Variants in SP1 observed in about 807,000 individuals in gnomAD.
SP1 encodes the protein Sp1 transcription factor.
SP1 carries 6 observed loss-of-function variants against 66.3 expected under a neutral mutation model. That is an observed-to-expected ratio of 0.09 (90% CI 0.05 to 0.18). The LOEUF (loss-of-function observed/expected upper bound fraction) is 0.18, where lower values mean the gene tolerates loss of function less well. Ranked by LOEUF, SP1 falls within the 10% of genes least tolerant of loss-of-function variation. The pLI is 1.00. For missense variants in SP1, 848 were observed against 964.5 expected (o/e 0.88, Z 1.60); for synonymous variants, 417 against 360.8 (o/e 1.16, Z -1.77).
chr12:53,401,917 G>T (rs1938618004), intron 3 of SP1, among the ~76,000 whole-genome samples: 1 of 152,148 alleles, frequency 6.6e-6, no homozygotes, highest in Non-Finnish European at 1.5e-5. Context: ...GATCTGTCCA[G>T]CTCGGCCTTG....
chr12:53,381,903 G>A, intron 2 of SP1, 90 bp downstream of exon 2: 1 of 1,456,584 alleles, frequency 6.9e-7, no homozygotes, highest in Non-Finnish European at 9.3e-7. Flanking sequence ...GCGTTTTAGG[G>A]AGAGACTAAA....
chr12:53,387,715 G>A (rs1409262634), intron 3 of SP1, among the ~76,000 whole-genome samples: 4 of 152,154 alleles, frequency 2.6e-5, no homozygotes, highest in African/African-American at 9.7e-5. Flanking sequence ...AGCCAGCCTG[G>A]TGGCTCACGC....
In SP1 at chr12:53,411,342, T is replaced by C; in HGVS notation, c.*102T>C. 1 of 917,022 alleles carries C rather than the reference T, an allele frequency of 1.1e-6. No individual in the cohort carries two copies. Among genetic ancestry groups the C allele is most frequent in the Middle Eastern group, 3.5e-4 (1 of 2,878 alleles). The allele number at this position is 917,022 out of a possible 1,614,324, so 56.8% of individuals were successfully genotyped here. On this transcript the variant is annotated 3_prime_UTR_variant, in exon 6 of 6. Coordinates refer to ENST00000327443, the MANE Select transcript of SP1 (RefSeq NM_138473.3). ...ACATGGAAGAGAGAGCCATGAAGCA[T>C]TAAAATGCATGGTGTTGAGAAGAAT...
Position 53,380,183 on chromosome 12 carries a change from C to A in SP1, c.-109C>A, listed in dbSNP as rs919324670. The A allele has an allele frequency of 1.7e-5, 13 of 760,576 alleles. No homozygotes were observed. Among genetic ancestry groups the A allele is most frequent in the Non-Finnish European group, 2.3e-5 (10 of 427,424 alleles). 47.1% of individuals were successfully genotyped at this position (760,576 alleles called of 1,614,324 possible). On this transcript the variant is annotated 5_prime_UTR_variant, in exon 1 of 6. Coordinates refer to ENST00000327443, the MANE Select transcript of SP1 (RefSeq NM_138473.3). ...CGCTGCTCCCTCCTCCTTACCCCCC[C>A]CTCCCTGTCCGGTCCGGGTTCGCTT...
rs1938935432 is a variant in SP1 at position 53,413,391 on chromosome 12, G to T, written c.*2151G>T. On this transcript the variant is annotated 3_prime_UTR_variant, in exon 6 of 6. Transcript: ENST00000327443. ...TTTGGCTACAAATAGATGATGGTAT[G>T]ATTCTATTATATATTTTATATAAAA... 5 of 152,382 alleles carry T rather than the reference G, an allele frequency of 3.3e-5. No individual in the cohort carries two copies. The highest frequency in any genetic ancestry group is 3.3e-4 in the Admixed American group (5 of 15,274). 9.4% of individuals were successfully genotyped at this position (152,382 alleles called of 1,614,324 possible).
chr12:53,380,339 G>A lies in SP1; in HGVS notation c.7+41G>A, dbSNP rs1303472849. 5.4e-6 allele frequency: 8 copies of A among 1,490,758 alleles called. No homozygotes were observed. In the East Asian group the frequency reaches 1.1e-4, roughly 21 times the overall value. 92.3% of individuals were successfully genotyped at this position (1,490,758 alleles called of 1,614,324 possible). On this transcript the variant is annotated intron_variant, in intron 1 of 5. Coordinates refer to ENST00000327443, the MANE Select transcript of SP1 (RefSeq NM_138473.3). ...CTCCAAGCTTAGGGGTGGGAGGCGA[G>A]TGAGGGGGCGCGCGCGAGGGCCGAC... is the stretch of plus-strand genomic sequence containing the variant.
At chr12:53,381,597 C>T in intron 1 of SP1, 62 bp from the exon 2 acceptor site, 1 of 1,457,756 alleles carries the variant, frequency 6.9e-7, no homozygotes, top group East Asian at 2.3e-5. Context: ...CTCCTTTTAT[C>T]CTTCCTACTT....
Position 53,381,793 on chromosome 12 carries a change from A to G in SP1, c.142A>G (p.Ser48Gly), listed in dbSNP as rs759239716. The change falls in exon 2 of 6, where the codon AGC (serine) becomes GGC (glycine). Residue 48 changes from serine to glycine, a missense_variant. This residue lies in a region of SP1 where 84 missense variants were observed against 73.9 expected (regional missense o/e 1.14). Coordinates refer to ENST00000327443, the MANE Select transcript of SP1 (RefSeq NM_138473.3). ...ARSSSTGSSSSTGGGGQESQP... is the reference protein window; with the variant it reads ...ARSSSTGSSSGTGGGGQESQP... ...AAGTAGCAGCACAGGCAGTAGCAGC[A>G]GCACTGGAGGAGGAGGGCAGGTAAG... is the stretch of plus-strand genomic sequence containing the variant. 3 of 1,613,844 alleles carry G rather than the reference A, an allele frequency of 1.9e-6. No individual in the cohort carries two copies. The highest frequency in any genetic ancestry group is 2.5e-6 in the Non-Finnish European group (3 of 1,179,954).
At chr12:53,388,282 C>G (rs564832367) in intron 3 of SP1, among the ~76,000 whole-genome samples, 1 of 152,234 alleles carries the variant, frequency 6.6e-6, no homozygotes, top group East Asian at 1.9e-4. Flanking sequence ...CTTGCAATTT[C>G]TAAAAGGCTT....
At chr12:53,402,487 A>G (rs913149932) in intron 3 of SP1, among the ~76,000 whole-genome samples, 30 of 151,318 alleles carry the variant, frequency 2.0e-4, no homozygotes, top group Admixed American at 1.9e-3. Flanking sequence ...CTCCCAAAGT[A>G]CTGGGATTAC....
chr12:53,395,157 A>G (rs997674331), intron 3 of SP1, among the ~76,000 whole-genome samples: 1 of 152,044 alleles, frequency 6.6e-6, no homozygotes, highest in Admixed American at 6.6e-5. Context: ...CCTGGCTAAC[A>G]TGGTGAAACC....
chr12:53,397,851 A>G (rs1938524816), intron 3 of SP1, among the ~76,000 whole-genome samples: 1 of 151,886 alleles, frequency 6.6e-6, no homozygotes, highest in Admixed American at 6.6e-5. Flanking sequence ...ACTGCGCCCG[A>G]CCGTAGATAA....
At chr12:53,403,312 TAAAAC>T (rs372302811) in intron 3 of SP1, among the ~76,000 whole-genome samples, 91 of 152,276 alleles carry the variant, frequency 6.0e-4, no homozygotes, top group African/African-American at 2.0e-3. Flanking sequence ...TTAAAATAGA[TAAAAC>T]AAAGCAGTCC....
intron 3 of SP1, among the ~76,000 whole-genome samples, chr12:53,401,158 T>C (rs1015958248): frequency 3.9e-5 from 6 of 151,986 alleles, no homozygotes; most frequent in Non-Finnish European, 7.4e-5. Flanking sequence ...CCTAGAAATA[T>C]TAAGTTTTTC....
At chr12:53,386,627 G>C (rs944632502) in intron 3 of SP1, among the ~76,000 whole-genome samples, 7 of 152,008 alleles carry the variant, frequency 4.6e-5, no homozygotes, top group Non-Finnish European at 8.8e-5. Context: ...AGGTAGCTGG[G>C]ATTACAGGCG....
chr12:53,381,948 T>A (rs1296383105), intron 2 of SP1, 135 bp downstream of exon 2: 1 of 1,207,204 alleles, frequency 8.3e-7, no homozygotes, highest in Non-Finnish European at 1.2e-6. Context: ...AGAATGGAGA[T>A]CCCCAAAGAC....
intron 3 of SP1, among the ~76,000 whole-genome samples, chr12:53,388,250 A>G (rs1435464862): frequency 6.6e-6 from 1 of 152,158 alleles, no homozygotes; most frequent in Non-Finnish European, 1.5e-5. Context: ...CTGTGGGATT[A>G]TTCCTGTTAA....
At position 53,383,046 on chromosome 12, in the gene SP1, G is replaced by T. The variant is rs774767081; in HGVS notation, c.1099G>T (p.Ala367Ser). The T allele has an allele frequency of 8.1e-6, 13 of 1,614,084 alleles. No individual in the cohort carries two copies. The highest frequency in any genetic ancestry group is 1.1e-5 in the Non-Finnish European group (13 of 1,180,046). Residue 367 changes from alanine (A) to serine (S), a missense_variant, in exon 3 of 6, where the codon GCT (alanine) becomes TCT (serine). Physicochemically the swap from Ala to Ser is moderately conservative, Grantham distance 99 (BLOSUM62 1). Around this residue, in one of 7 missense-constraint regions of SP1, gnomAD observed 606 missense variants for 589.9 expected, o/e 1.03. Coordinates refer to ENST00000327443, the MANE Select transcript of SP1 (RefSeq NM_138473.3). Reference sequence around the variant, plus strand: ...GGTCAGTGGGCTACAGGGGTCTGATGCTCTGAACATCCAGCAAAACCAGAC... The same window carrying T: ...GGTCAGTGGGCTACAGGGGTCTGATTCTCTGAACATCCAGCAAAACCAGAC... ...QRVSGLQGSD[A>S]LNIQQNQTSG...
At chr12:53,406,789 G>T in intron 4 of SP1, 36 bp downstream of exon 4, 3 of 1,525,422 alleles carry the variant, frequency 2.0e-6, no homozygotes, top group Non-Finnish European at 2.7e-6. Context: ...CAAATATAAA[G>T]AAAAATTAAT....
Sources: allele counts gnomAD v4.1 joint callset (sites outside exome capture counted in the v4.1 genomes callset), GRCh38; gene constraint gnomAD v4.1.1; regional missense constraint gnomAD v4.1.1; transcripts MANE v1.5; gene names NCBI Gene and HGNC (gene_info 2026-07-23, HGNC 2026-07-21).